CHD2: variants seen among roughly 807,000 people sequenced by gnomAD.
The protein encoded by CHD2 is chromodomain helicase DNA binding protein 2.
Under a neutral mutation model 243.9 loss-of-function variants are expected in CHD2, and 28 were observed. The observed-to-expected ratio is 0.11, with a 90% CI of 0.09 to 0.16. The LOEUF (loss-of-function observed/expected upper bound fraction) is 0.16. Ranked by LOEUF, CHD2 falls within the 10% of genes least tolerant of loss-of-function variation. CHD2 has a pLI of 1.00. For missense variants in CHD2, 1,386 were observed against 2,209.8 expected (o/e 0.63, Z 7.47); for synonymous variants, 775 against 779.0 (o/e 0.99, Z 0.09).
At chr15:92,922,840 A>G (rs1431363588) in intron 2 of CHD2, among the ~76,000 whole-genome samples, 3 of 152,016 alleles carry the variant, frequency 2.0e-5, no homozygotes, top group East Asian at 3.8e-4. Context: ...CTTTTTCACC[A>G]TTAGAGGAAG....
intron 17 of CHD2, among the ~76,000 whole-genome samples, chr15:92,968,698 C>T (rs962858084): frequency 2.0e-5 from 3 of 152,200 alleles, no homozygotes; most frequent in African/African-American, 7.2e-5. Flanking sequence ...TTACTTTTGC[C>T]ATTTTCAAAG....
intron 27 of CHD2, 105 bp downstream of exon 27, chr15:92,991,622 T>C: frequency 1.4e-6 from 1 of 729,584 alleles, no homozygotes; most frequent in East Asian, 2.8e-5. Context: ...CTGGGAACAT[T>C]TTTTTTTCTG....
At chr15:93,003,597 G>T (rs1567160456) in intron 33 of CHD2, among the ~76,000 whole-genome samples, 2 of 148,422 alleles carry the variant, frequency 1.3e-5, no homozygotes, top group Non-Finnish European at 3.0e-5. Context: ...TTTTTTGGCG[G>T]GGCCAGGCGG....
intron 16 of CHD2, among the ~76,000 whole-genome samples, chr15:92,962,295 T>A (rs1270437091): frequency 1.3e-5 from 2 of 152,124 alleles, no homozygotes; most frequent in Non-Finnish European, 2.9e-5. Flanking sequence ...AAAACTTTTT[T>A]CTTTTCTAGT....
Position 93,027,907 on chromosome 15 carries a change from T to G in CHD2, c.*3202T>G, listed in dbSNP as rs1216770388. The G allele has an allele frequency of 3.9e-5, 6 of 152,678 alleles. No homozygotes were observed. The highest frequency in any genetic ancestry group is 3.9e-4 in the Admixed American group (6 of 15,288). The allele number at this position is 152,678 out of a possible 1,614,324, so 9.5% of individuals were successfully genotyped here. ...GATTTCTGATGTAAATAATGTTGTTTATATAGTATGTATTAAATTTTCCTA... is the reference window on the plus strand; with the variant it reads ...GATTTCTGATGTAAATAATGTTGTTGATATAGTATGTATTAAATTTTCCTA... On this transcript the variant is annotated 3_prime_UTR_variant, in exon 39 of 39. Coordinates refer to ENST00000394196, the MANE Select transcript of CHD2 (RefSeq NM_001271.4).
intron 16 of CHD2, among the ~76,000 whole-genome samples, chr15:92,957,290 A>C (rs1436168578): frequency 6.6e-6 from 1 of 152,182 alleles, no homozygotes; most frequent in Non-Finnish European, 1.5e-5. Flanking sequence ...TGTCCCTTAA[A>C]CATGCCAAGC....
At chr15:92,925,604 A>C (rs1567127507) in intron 3 of CHD2, among the ~76,000 whole-genome samples, 2 of 152,216 alleles carry the variant, frequency 1.3e-5, no homozygotes, top group African/African-American at 4.8e-5. Flanking sequence ...GCTCTAGCAG[A>C]GGGCCAGGTG....
chr15:93,009,341 G>T lies in CHD2; in HGVS notation c.4592+18G>T. On this transcript the variant is annotated intron_variant, in intron 35 of 38. Coordinates refer to ENST00000394196, the MANE Select transcript of CHD2 (RefSeq NM_001271.4). ...TGGAGGAGGTAACCACTTTGGCCTC[G>T]TCTGCCCAGTTTGATTTGACTGAGT... is the stretch of plus-strand genomic sequence containing the variant. The T allele has an allele frequency of 6.2e-7, 1 of 1,607,824 alleles. No individual in the cohort carries two copies. Among genetic ancestry groups the T allele is most frequent in the East Asian group, 2.2e-5 (1 of 44,742 alleles).
At chr15:92,974,974 T>C (rs772988928) in intron 20 of CHD2, 24 bp downstream of exon 20, 2 of 1,594,738 alleles carry the variant, frequency 1.3e-6, no homozygotes, top group Non-Finnish European at 1.7e-6. Flanking sequence ...GGCTTTGTTA[T>C]TTGAGCAACT....
chr15:92,989,017 A>T (rs1234014010), intron 26 of CHD2, among the ~76,000 whole-genome samples: 4 of 138,810 alleles, frequency 2.9e-5, no homozygotes, highest in African/African-American at 8.0e-5. Flanking sequence ...TATACTTCAT[A>T]CTTCATACTT....
intron 23 of CHD2, 83 bp downstream of exon 23, chr15:92,980,994 G>A (rs2053972614): frequency 1.1e-6 from 1 of 938,196 alleles, no homozygotes; most frequent in Non-Finnish European, 1.7e-6. Context: ...GATTCTGTTA[G>A]AGGCTTTTGT....
chr15:92,937,390 TC>T (rs2053284024), intron 5 of CHD2, 127 bp from the exon 6 acceptor site: 7 of 621,294 alleles, frequency 1.1e-5, no homozygotes, highest in Admixed American at 9.1e-5. Context: ...AGCTAGAATC[TC>T]TTTTAGCATG....
chr15:92,941,700 C>G lies in CHD2; in HGVS notation c.693-122C>G, dbSNP rs545419020. 4.7e-3 allele frequency: 4,566 copies of G among 976,148 alleles called. 23 individuals are homozygous for G. The highest frequency in any genetic ancestry group is 5.9e-3 in the Non-Finnish European group (3,900 of 662,564). The allele number at this position is 976,148 out of a possible 1,614,324, so 60.5% of individuals were successfully genotyped here. A position where few individuals can be genotyped will look rare whatever the true frequency, so the allele number is the denominator to read the frequency against. On this transcript the variant is annotated intron_variant, in intron 7 of 38. Coordinates refer to ENST00000394196, the MANE Select transcript of CHD2 (RefSeq NM_001271.4). ...TTTGAGCCTACTGTAAATGGCAGAT[C>G]TATAAAACAACATGCTTTTGGAACC...
At chr15:92,950,928 G>T (rs2053545610) in intron 13 of CHD2, among the ~76,000 whole-genome samples, 1 of 152,134 alleles carries the variant, frequency 6.6e-6, no homozygotes, top group Admixed American at 6.5e-5. Context: ...TAGGTGTCTT[G>T]AGAAGATTGA....
intron 26 of CHD2, among the ~76,000 whole-genome samples, chr15:92,989,183 C>A (rs2054085563): frequency 6.6e-6 from 1 of 152,026 alleles, no homozygotes; most frequent in Non-Finnish European, 1.5e-5. Context: ...AGGTGCCCAC[C>A]ACAATGCCCA....
intron 35 of CHD2, among the ~76,000 whole-genome samples, chr15:93,010,717 C>T (rs942488684): frequency 6.6e-6 from 1 of 152,224 alleles, no homozygotes; most frequent in Non-Finnish European, 1.5e-5. Flanking sequence ...AGCCACTGCG[C>T]CCAGCCATGG....
chr15:92,943,241 A>G, intron 9 of CHD2, 173 bp downstream of exon 9: 1 of 599,100 alleles, frequency 1.7e-6, no homozygotes, highest in Non-Finnish European at 2.9e-6. Flanking sequence ...CAGATACTAT[A>G]TTTTTATATG....
chr15:92,974,779 T>G, intron 19 of CHD2, 100 bp from the exon 20 acceptor site: 1 of 1,031,616 alleles, frequency 9.7e-7, no homozygotes, highest in Non-Finnish European at 1.5e-6. Context: ...TTATTTTTAC[T>G]CAGTGGGTGT....
chr15:92,926,366 T>C lies in CHD2; in HGVS notation c.295-878T>C, dbSNP rs144535674. On this transcript the variant is annotated intron_variant, in intron 3 of 38. Transcript: ENST00000394196. ...TTCTCATGACGTTAGCTGTCACCTG[T>C]AATTTGATAACCCATATTTCTCATC... 1.8e-3 allele frequency among the ~76,000 whole-genome samples: 281 copies of C among 152,342 alleles called. 3 individuals carry two copies. Among genetic ancestry groups the C allele is most frequent in the African/African-American group, 6.4e-3 (268 of 41,572 alleles).
Sources: gnomAD v4.1 joint callset for allele counts (sites outside exome capture counted in the v4.1 genomes callset) on GRCh38, gnomAD v4.1.1 for gene constraint, MANE v1.5 for transcripts, NCBI Gene and HGNC (gene_info 2026-07-23, HGNC 2026-07-21) for gene names.